DAB1: variants seen among roughly 807,000 people sequenced by gnomAD.
DAB1 encodes disabled homolog 1.
In DAB1, 15 loss-of-function variants were observed where a neutral mutation model predicts 64.6. The ratio of observed to expected loss-of-function variants is 0.23; its 90% CI spans 0.16 to 0.36. DAB1 has a LOEUF of 0.36. Ranked by LOEUF, DAB1 falls within the 10% of genes least tolerant of loss-of-function variation. DAB1 has a pLI of 1.00. For missense variants in DAB1, 596 were observed against 706.7 expected (o/e 0.84, Z 1.78); for synonymous variants, 235 against 251.9 (o/e 0.93, Z 0.64).
intron 4 of DAB1, among the ~76,000 whole-genome samples, chr1:58,314,482 C>T (rs1156542110): frequency 6.6e-6 from 1 of 152,176 alleles, no homozygotes; most frequent in Non-Finnish European, 1.5e-5. Context: ...TCCCCATGAC[C>T]TTGATCCTCC....
At chr1:57,220,044 A>T (rs1017235784) in intron 2 of DAB1, among the ~76,000 whole-genome samples, 2 of 152,358 alleles carry the variant, frequency 1.3e-5, no homozygotes, top group Admixed American at 1.3e-4. Flanking sequence ...CACAAGGCCT[A>T]GAATGGTTGT....
At chr1:58,121,396 A>G (rs1238971669) in intron 5 of DAB1, among the ~76,000 whole-genome samples, 1 of 152,068 alleles carries the variant, frequency 6.6e-6, no homozygotes, top group Non-Finnish European at 1.5e-5. Context: ...GGGCTACTTA[A>G]CATTCTTCCC....
chr1:58,340,047 G>A (rs560165332), intron 4 of DAB1, among the ~76,000 whole-genome samples: 6 of 152,102 alleles, frequency 3.9e-5, no homozygotes, highest in Non-Finnish European at 7.4e-5. Flanking sequence ...AACCAACATT[G>A]ATTTTACTAA....
chr1:58,292,086 G>C lies in DAB1; in HGVS notation n.309+51266C>G, dbSNP rs111935786. ...TTTTCTGACTCAGTGCTTGATTGGG[G>C]AAATTTTGCCTCATTTTTTACCACC... On this transcript the variant is annotated intron_variant and non_coding_transcript_variant, in intron 4 of 20. Coordinates refer to the DAB1 transcript ENST00000485760. Among the ~76,000 whole-genome samples the C allele has an allele frequency of 7.2e-3, 1,093 of 152,260 alleles. 15 individuals carry two copies. The highest frequency in any genetic ancestry group is 0.025 in the African/African-American group (1,020 of 41,550).
intron 1 of DAB1, among the ~76,000 whole-genome samples, chr1:57,381,686 C>A (rs889501150): frequency 3.9e-5 from 6 of 152,186 alleles, no homozygotes; most frequent in Non-Finnish European, 7.3e-5. Context: ...GCTAGTCTGC[C>A]ATGTACAGAG....
At chr1:57,310,252 C>T (rs75735484) in intron 1 of DAB1, among the ~76,000 whole-genome samples, 2,533 of 152,118 alleles carry the variant, frequency 0.017, 56 homozygotes, top group African/African-American at 0.056. Flanking sequence ...AAAGGCCATA[C>T]GGAGATGACA....
At chr1:57,899,026 T>A (rs1363974121) in intron 5 of DAB1, among the ~76,000 whole-genome samples, 3 of 152,126 alleles carry the variant, frequency 2.0e-5, no homozygotes, top group African/African-American at 4.8e-5. Context: ...CAGCTTTTTT[T>A]TTTTAACCTA....
At chr1:58,479,881 T>C (rs908815318) in intron 3 of DAB1, among the ~76,000 whole-genome samples, 1 of 152,098 alleles carries the variant, frequency 6.6e-6, no homozygotes, top group African/African-American at 2.4e-5. Context: ...CCTAGTAGGG[T>C]TATGGAATAA....
chr1:58,458,637 G>T (rs1366721912), intron 3 of DAB1, among the ~76,000 whole-genome samples: 4 of 152,074 alleles, frequency 2.6e-5, no homozygotes, highest in African/African-American at 9.7e-5. Context: ...GACCCCTTCT[G>T]TACTAAAACT....
intron 1 of DAB1, among the ~76,000 whole-genome samples, chr1:57,397,487 A>T (rs1031593257): frequency 4.6e-5 from 7 of 152,130 alleles, no homozygotes; most frequent in African/African-American, 1.4e-4. Context: ...ATCAGTTCCC[A>T]TTCCACGAAC....
chr1:57,380,165 G>C (rs1681250854), intron 1 of DAB1, among the ~76,000 whole-genome samples: 1 of 152,058 alleles, frequency 6.6e-6, no homozygotes, highest in African/African-American at 2.4e-5. Context: ...CTCTGAAGTA[G>C]GTCATATTAT....
chr1:57,957,589 A>T (rs961771690), intron 5 of DAB1, among the ~76,000 whole-genome samples: 6 of 152,230 alleles, frequency 3.9e-5, no homozygotes, highest in African/African-American at 1.4e-4. Context: ...CATAAACAGT[A>T]TTTAAAACTA....
chr1:58,368,804 C>G (rs1169398679), intron 3 of DAB1, among the ~76,000 whole-genome samples: 2 of 152,100 alleles, frequency 1.3e-5, no homozygotes, highest in African/African-American at 4.8e-5. Flanking sequence ...ACACATGGGA[C>G]AAGCAGAAAT....
chr1:57,248,824 A>G (rs1172276846), intron 2 of DAB1, among the ~76,000 whole-genome samples: 1 of 152,192 alleles, frequency 6.6e-6, no homozygotes, highest in East Asian at 1.9e-4. Context: ...ATTACTGTAT[A>G]TGGGATGTTA....
intron 5 of DAB1, among the ~76,000 whole-genome samples, chr1:58,028,656 T>A (rs1646929714): frequency 6.6e-6 from 1 of 152,206 alleles, no homozygotes; most frequent in Admixed American, 6.5e-5. Context: ...GTCAGGTGAC[T>A]CAAAGTTTTT....
chr1:57,199,954 A>G (rs1001201889), intron 2 of DAB1, among the ~76,000 whole-genome samples: 9 of 152,210 alleles, frequency 5.9e-5, no homozygotes, highest in Non-Finnish European at 7.3e-5. Context: ...GCTGCAGTAC[A>G]TGAGCATGGG....
intron 7 of DAB1, among the ~76,000 whole-genome samples, chr1:57,534,541 T>A (rs1454244992): frequency 6.6e-6 from 1 of 152,222 alleles, no homozygotes; most frequent in Non-Finnish European, 1.5e-5. Context: ...CAGCCATACT[T>A]GACCATAGGC....
intron 4 of DAB1, among the ~76,000 whole-genome samples, chr1:57,122,621 T>C (rs1247386508): frequency 6.6e-6 from 1 of 152,140 alleles, no homozygotes; most frequent in African/African-American, 2.4e-5. Context: ...ATGAGTGCCA[T>C]GGGAATACTA....
At chr1:57,757,767 A>G (rs1648886749) in intron 6 of DAB1, among the ~76,000 whole-genome samples, 2 of 152,134 alleles carry the variant, frequency 1.3e-5, no homozygotes, top group Admixed American at 6.6e-5. Context: ...CGGGGACACA[A>G]TTCAAGCCAT....
Sources: gnomAD v4.1 joint callset for allele counts (sites outside exome capture counted in the v4.1 genomes callset) on GRCh38, gnomAD v4.1.1 for gene constraint, MANE v1.5 for transcripts, NCBI Gene and HGNC (gene_info 2026-07-23, HGNC 2026-07-21) for gene names.